HOGA1: variants seen among roughly 807,000 people sequenced by gnomAD.
HOGA1 encodes the protein 4-hydroxy-2-oxoglutarate aldolase 1.
In HOGA1, 30 loss-of-function variants were observed where a neutral mutation model predicts 34.3. That is an observed-to-expected ratio of 0.87 (90% CI 0.65 to 1.19). The LOEUF (loss-of-function observed/expected upper bound fraction) is 1.19, where lower values mean the gene tolerates loss of function less well. Ranked by LOEUF, HOGA1 falls within the 50% of genes most tolerant of loss-of-function variation. The pLI is 0.00. For synonymous variants in HOGA1, 161 were observed against 174.0 expected (o/e 0.93, Z 0.59); for missense variants, 417 against 436.5 (o/e 0.96, Z 0.40).
intron 1 of HOGA1, among the ~76,000 whole-genome samples, chr10:97,595,522 C>A (rs560994569): frequency 1.3e-5 from 2 of 152,140 alleles, no homozygotes; most frequent in African/African-American, 4.8e-5. Flanking sequence ...ATGGTGAAAC[C>A]CTGTCTCTAC....
At chr10:97,590,676 C>A (rs61863261) in intron 1 of HOGA1, 15,193 of 1,100,360 alleles carry the variant, frequency 0.014, 172 homozygotes, top group East Asian at 0.051. Flanking sequence ...GCCATCTATG[C>A]AGGCCAGGGT....
chr10:97,586,456 G>A (rs551947089), intron 1 of HOGA1, among the ~76,000 whole-genome samples: 85 of 152,312 alleles, frequency 5.6e-4, no homozygotes, highest in Non-Finnish European at 8.1e-4. Flanking sequence ...CCTTCCTTGG[G>A]GACAATGAAT....
chr10:97,593,693 A>G (rs2041046538), intron 1 of HOGA1, among the ~76,000 whole-genome samples: 1 of 152,152 alleles, frequency 6.6e-6, no homozygotes, highest in Non-Finnish European at 1.5e-5. Context: ...GGCACCACAC[A>G]GGAGGCCAGA....
intron 6 of HOGA1, among the ~76,000 whole-genome samples, chr10:97,604,295 C>T (rs1388198097): frequency 6.6e-6 from 1 of 152,050 alleles, no homozygotes; most frequent in Non-Finnish European, 1.5e-5. Context: ...GAGTAGGATA[C>T]CATGGTATTG....
intron 1 of HOGA1, among the ~76,000 whole-genome samples, chr10:97,591,101 G>T (rs1297800717): frequency 1.3e-5 from 2 of 152,132 alleles, no homozygotes; most frequent in African/African-American, 4.8e-5. Flanking sequence ...CTGGTCTCAG[G>T]TTCTGGAAAA....
chr10:97,601,710 C>A, intron 5 of HOGA1, 147 bp from the exon 6 acceptor site: 1 of 896,560 alleles, frequency 1.1e-6, no homozygotes. Flanking sequence ...ATACTCTGGA[C>A]TCACAGAGCA....
chr10:97,590,521 T>G, intron 1 of HOGA1: 1 of 1,612,586 alleles, frequency 6.2e-7, no homozygotes, highest in Non-Finnish European at 8.5e-7. Flanking sequence ...ACAGTCACCA[T>G]GGCCACCCAA....
Position 97,599,678 on chromosome 10 carries a change from A to G in HOGA1, c.469-2A>G, listed in dbSNP as rs1589908300. The G allele has an allele frequency of 6.2e-7, 1 of 1,613,866 alleles. No homozygotes were observed. Among genetic ancestry groups the G allele is most frequent in the African/African-American group, 1.3e-5 (1 of 74,886 alleles). ...TGCTTTTCTCTGCGCCCCCCTCCCC[A>G]GGTTGCTGATCTCTCTCCAATCCCT... On this transcript the variant is annotated splice_acceptor_variant, in intron 3 of 6. Coordinates refer to ENST00000370646, the MANE Select transcript of HOGA1 (RefSeq NM_138413.4). LOFTEE classifies it high-confidence loss of function.
At chr10:97,588,490 G>A (rs1447410001) in intron 1 of HOGA1, among the ~76,000 whole-genome samples, 1 of 152,222 alleles carries the variant, frequency 6.6e-6, no homozygotes, top group Admixed American at 6.5e-5. Flanking sequence ...TTACAGGCGT[G>A]AGCCACAGCG....
At chr10:97,595,049 G>A (rs973079069) in intron 1 of HOGA1, among the ~76,000 whole-genome samples, 2 of 152,194 alleles carry the variant, frequency 1.3e-5, no homozygotes, top group Admixed American at 6.5e-5. Context: ...CTCCTTATGT[G>A]ATTCTTTTTA....
At chr10:97,600,394 G>C in intron 5 of HOGA1, 1 of 590,066 alleles carries the variant, frequency 1.7e-6, no homozygotes, top group Admixed American at 2.8e-5. Context: ...TCCCTGGCCT[G>C]TAGTAGGGAT....
At chr10:97,586,910 G>T (rs931878930) in intron 1 of HOGA1, among the ~76,000 whole-genome samples, 2 of 152,204 alleles carry the variant, frequency 1.3e-5, no homozygotes, top group African/African-American at 4.8e-5. Context: ...GGTAGGAAGA[G>T]CCCAGCATCT....
intron 6 of HOGA1, among the ~76,000 whole-genome samples, chr10:97,609,710 A>T (rs2041181805): frequency 6.6e-6 from 1 of 152,218 alleles, no homozygotes. Flanking sequence ...AAGAGGGGCC[A>T]CATCAGATAT....
chr10:97,597,611 G>C (rs2041081488), intron 1 of HOGA1, among the ~76,000 whole-genome samples: 1 of 152,038 alleles, frequency 6.6e-6, no homozygotes. Context: ...ACCATGATTT[G>C]GCATGTATGA....
chr10:97,602,688 TC>T (rs1347429575), intron 6 of HOGA1: 1 of 758,346 alleles, frequency 1.3e-6, no homozygotes, highest in African/African-American at 1.9e-5. Context: ...TTTCTTTCTT[TC>T]CTTCTTTCTT....
chr10:97,596,634 A>T (rs899684804), intron 1 of HOGA1, among the ~76,000 whole-genome samples: 2 of 151,786 alleles, frequency 1.3e-5, no homozygotes, highest in African/African-American at 4.8e-5. Context: ...AATCCCCCAG[A>T]AGCAATCCCA....
At position 97,593,029 on chromosome 10, in the gene HOGA1, C is replaced by CAAAAAAAAAAAAAAAAAAAAAAAA. The variant is rs1169191059; in HGVS notation, c.212-5724_212-5723insAAAAAAAAAAAAAAAAAAAAAAAA. ...TGGGCGACAGAGTGAGACTCTGTCT[C>CAAAAAAAAAAAAAAAAAAAAAAAA]AAAAAAAAAAAAAAAAAAAAAAGAG... On this transcript the variant is annotated intron_variant, in intron 1 of 6. Coordinates refer to ENST00000370646, the MANE Select transcript of HOGA1 (RefSeq NM_138413.4). Among the ~76,000 whole-genome samples the CAAAAAAAAAAAAAAAAAAAAAAAA allele has an allele frequency of 2.4e-3, 114 of 47,774 alleles. 6 individuals carry two copies. Among genetic ancestry groups the CAAAAAAAAAAAAAAAAAAAAAAAA allele is most frequent in the Non-Finnish European group, 3.4e-3 (86 of 24,976 alleles). 31.3% of individuals were successfully genotyped at this position (47,774 alleles called of 152,430 possible).
intron 1 of HOGA1, among the ~76,000 whole-genome samples, chr10:97,593,939 G>C (rs2041048729): frequency 2.0e-5 from 3 of 152,124 alleles, no homozygotes; most frequent in Admixed American, 2.0e-4. Flanking sequence ...CACGACCTCG[G>C]CTCACTGTAA....
chr10:97,586,030 G>A (rs1253456969), intron 1 of HOGA1, among the ~76,000 whole-genome samples: 4 of 151,916 alleles, frequency 2.6e-5, no homozygotes, highest in African/African-American at 7.3e-5. Flanking sequence ...CCAGCTACTC[G>A]GGAGACTGAG....
Sources: gnomAD v4.1 joint callset for allele counts (sites outside exome capture counted in the v4.1 genomes callset) on GRCh38, gnomAD v4.1.1 for gene constraint, MANE v1.5 for transcripts, NCBI Gene and HGNC (gene_info 2026-07-23, HGNC 2026-07-21) for gene names.